Variants in EPB41L4B observed in about 807,000 individuals in gnomAD.
EPB41L4B encodes the protein erythrocyte membrane protein band 4.1 like 4B.
A neutral mutation model predicts 112.5 loss-of-function variants in EPB41L4B; 30 were observed. The observed-to-expected ratio is 0.27, with a 90% CI of 0.20 to 0.36. The LOEUF (loss-of-function observed/expected upper bound fraction) is 0.36, where lower values mean the gene tolerates loss of function less well. EPB41L4B is among the 10% of genes least tolerant of loss of function. EPB41L4B has a pLI of 1.00. For missense variants in EPB41L4B, 1,024 were observed against 1,133.3 expected (o/e 0.90, Z 1.38); for synonymous variants, 408 against 439.7 (o/e 0.93, Z 0.90).
intron 1 of EPB41L4B, among the ~76,000 whole-genome samples, chr9:109,318,714 C>A (rs1837727456): frequency 6.6e-6 from 1 of 152,162 alleles, no homozygotes; most frequent in Non-Finnish European, 1.5e-5. Flanking sequence ...GGAACAGTAA[C>A]ATTTTTATGC....
chr9:109,189,243 G>T (rs1293427776), intron 22 of EPB41L4B, among the ~76,000 whole-genome samples: 1 of 152,168 alleles, frequency 6.6e-6, no homozygotes, highest in Non-Finnish European at 1.5e-5. Context: ...AAGTTCTAAA[G>T]CTTAAGATTG....
At chr9:109,200,368 CA>C in intron 19 of EPB41L4B, 34 bp from the exon 20 acceptor site, 1 of 1,546,298 alleles carries the variant, frequency 6.5e-7, no homozygotes, top group Non-Finnish European at 8.9e-7. Context: ...ACAATACCAT[CA>C]AAAAAGGTTT....
intron 19 of EPB41L4B, among the ~76,000 whole-genome samples, chr9:109,201,364 C>G (rs1832818633): frequency 6.7e-6 from 1 of 149,176 alleles, no homozygotes; most frequent in African/African-American, 2.5e-5. Flanking sequence ...GTGGGAGGAT[C>G]ACCTGAGCCC....
intron 6 of EPB41L4B, among the ~76,000 whole-genome samples, chr9:109,259,660 G>A (rs1188450273): frequency 1.3e-5 from 2 of 152,196 alleles, no homozygotes; most frequent in Admixed American, 1.3e-4. Context: ...TTTGTAAAAT[G>A]GGAATTGTTA....
intron 20 of EPB41L4B, among the ~76,000 whole-genome samples, chr9:109,196,880 T>C (rs1832659621): frequency 1.3e-5 from 2 of 152,132 alleles, no homozygotes; most frequent in South Asian, 4.1e-4. Flanking sequence ...TTAAAAGCAG[T>C]GGTTTGAAGA....
At position 109,256,451 on chromosome 9, in the gene EPB41L4B, G is replaced by C. The variant is rs144325998; in HGVS notation, c.782C>G (p.Ser261Cys). The change falls in exon 8 of 26, where the codon TCC (serine) becomes TGC (cysteine). Residue 261 changes from serine (S) to cysteine (C), a missense_variant. Coordinates refer to ENST00000374566, the MANE Select transcript of EPB41L4B (RefSeq NM_019114.5). ...RGKSPAQAELSYLNKAKWLEM... is the reference protein window; with the variant it reads ...RGKSPAQAELCYLNKAKWLEM... ...CAGCCACTTCGCTTTATTCAGATAG[G>C]AGAGTTCCGCCTGGGCAGGGCTCTT... is the stretch of plus-strand genomic sequence containing the variant. 602 of 1,614,198 alleles carry C rather than the reference G, an allele frequency of 3.7e-4. No individual in the cohort carries two copies. In the African/African-American group the frequency reaches 6.9e-3, roughly 19 times the overall value.
At chr9:109,281,284 A>G (rs1396421608) in intron 1 of EPB41L4B, among the ~76,000 whole-genome samples, 1 of 152,226 alleles carries the variant, frequency 6.6e-6, no homozygotes, top group Non-Finnish European at 1.5e-5. Flanking sequence ...GGGTACATAC[A>G]ACTAGTTCCC....
chr9:109,264,857 T>G, intron 5 of EPB41L4B, 123 bp downstream of exon 5: 1 of 731,376 alleles, frequency 1.4e-6, no homozygotes, highest in Non-Finnish European at 2.2e-6. Flanking sequence ...CACTTTACAA[T>G]GCCTGGTGCA....
At chr9:109,195,253 A>G (rs1270464106) in intron 20 of EPB41L4B, among the ~76,000 whole-genome samples, 1 of 151,806 alleles carries the variant, frequency 6.6e-6, no homozygotes, top group Non-Finnish European at 1.5e-5. Flanking sequence ...GAGTGTAGAT[A>G]CAAGACCCAT....
chr9:109,281,649 C>T (rs984747336), intron 1 of EPB41L4B, among the ~76,000 whole-genome samples: 4 of 152,002 alleles, frequency 2.6e-5, no homozygotes, highest in African/African-American at 9.7e-5. Context: ...TGTGCCACTG[C>T]ACTCAGCCTC....
In EPB41L4B at chr9:109,176,592, C is replaced by A. The variant is rs762255915; in HGVS notation, c.2592G>T (p.Gln864His). ...RPLTETVSTVQTIYTTRKPVS... is the reference protein window; with the variant it reads ...RPLTETVSTVHTIYTTRKPVS... ...CAGGTTTCCGGGTGGTGTAAATGGT[C>A]TGCACTGTGGAGACGGTCTCTGTCA... The change falls in exon 25 of 26, where the codon CAG becomes CAT. Residue 864 changes from glutamine (Q) to histidine (H), a missense_variant. Transcript: ENST00000374566. 1.2e-6 allele frequency: 2 copies of A among 1,613,754 alleles called. No individual in the cohort carries two copies. Among genetic ancestry groups the A allele is most frequent in the African/African-American group, 2.7e-5 (2 of 74,898 alleles).
chr9:109,278,578 C>T (rs1835922093), intron 2 of EPB41L4B, among the ~76,000 whole-genome samples: 1 of 152,148 alleles, frequency 6.6e-6, no homozygotes, highest in Admixed American at 6.5e-5. Context: ...AGTAGACAGC[C>T]TTAACCATTA....
chr9:109,204,196 G>C (rs1341457215), intron 18 of EPB41L4B, among the ~76,000 whole-genome samples: 1 of 152,172 alleles, frequency 6.6e-6, no homozygotes, highest in Non-Finnish European at 1.5e-5. Context: ...ATATGATTTT[G>C]AGAGAAACCT....
chr9:109,222,098 A>G (rs1245658057), intron 15 of EPB41L4B, among the ~76,000 whole-genome samples: 1 of 152,232 alleles, frequency 6.6e-6, no homozygotes, highest in Middle Eastern at 3.2e-3. Flanking sequence ...CAGAGTAAAG[A>G]GTTAAACAGT....
chr9:109,280,477 T>C (rs1048253740), intron 1 of EPB41L4B, among the ~76,000 whole-genome samples: 3 of 152,222 alleles, frequency 2.0e-5, no homozygotes. Context: ...GGTATACACA[T>C]GGGGCATGAG....
At chr9:109,276,890 T>A (rs892201589) in intron 2 of EPB41L4B, among the ~76,000 whole-genome samples, 4 of 152,204 alleles carry the variant, frequency 2.6e-5, no homozygotes, top group Non-Finnish European at 5.9e-5. Context: ...AGAGAACGCA[T>A]TTGCAGCAGA....
intron 22 of EPB41L4B, among the ~76,000 whole-genome samples, chr9:109,190,147 A>G (rs1477738698): frequency 6.6e-6 from 1 of 152,120 alleles, no homozygotes; most frequent in Non-Finnish European, 1.5e-5. Flanking sequence ...TTGCTGAATG[A>G]AGGCAAGATC....
intron 1 of EPB41L4B, among the ~76,000 whole-genome samples, chr9:109,310,712 G>A (rs1357730163): frequency 3.9e-5 from 6 of 152,170 alleles, no homozygotes; most frequent in Non-Finnish European, 7.3e-5. Flanking sequence ...TGAGGGCTGG[G>A]GACATCCAAG....
intron 14 of EPB41L4B, 49 bp downstream of exon 14, chr9:109,247,707 T>C (rs1292296043): frequency 3.1e-6 from 4 of 1,283,246 alleles, no homozygotes; most frequent in Non-Finnish European, 2.1e-6. Context: ...TAAATTTTAT[T>C]TTTAAAATTT....
Sources: allele counts gnomAD v4.1 joint callset (sites outside exome capture counted in the v4.1 genomes callset), GRCh38; gene constraint gnomAD v4.1.1; transcripts MANE v1.5; gene names NCBI Gene and HGNC (gene_info 2026-07-23, HGNC 2026-07-21).